The following KCNQ1 variants were observed in gnomAD, a reference collection of about 807,000 sequenced individuals.
KCNQ1 encodes potassium voltage-gated channel subfamily Q member 1, also known as potassium voltage-gated channel subfamily KQT member 1.
KCNQ1 carries 49 observed loss-of-function variants against 72.4 expected under a neutral mutation model. That is an observed-to-expected ratio of 0.68 (90% CI 0.54 to 0.86). The LOEUF (loss-of-function observed/expected upper bound fraction) is 0.86, where lower values mean the gene tolerates loss of function less well. Among genes scored for constraint, KCNQ1 ranks in the 40% least tolerant of loss-of-function variants. KCNQ1 has a pLI of 0.00. For missense variants in KCNQ1, 790 were observed against 945.1 expected (o/e 0.84, Z 2.15); for synonymous variants, 450 against 412.6 (o/e 1.09, Z -1.10).
rs10741690 is a variant in KCNQ1 at position 2,698,159 on chromosome 11, T to C, written c.1514+36078T>C. ...GCAGAAAACAAAACAGAGTTCCTCG[T>C]TGGGAGCTTTTGGTCTAGCAAAAGG... On this transcript the variant is annotated intron_variant, in intron 11 of 15. Transcript: ENST00000155840. The surrounding 1 kb of genome is among the most constrained non-coding windows in gnomAD (Gnocchi z 5.1). 0.55 allele frequency: 219,234 copies of C among 398,378 alleles called. 64,968 individuals carry two copies. The highest frequency in any genetic ancestry group is 0.99 in the East Asian group (27,889 of 28,070). 24.7% of individuals were successfully genotyped at this position (398,378 alleles called of 1,614,324 possible). A position where few individuals can be genotyped will look rare whatever the true frequency, so the allele number is the denominator to read the frequency against.
At chr11:2,489,212 G>T (rs536341225) in intron 1 of KCNQ1, among the ~76,000 whole-genome samples, 1 of 152,214 alleles carries the variant, frequency 6.6e-6, no homozygotes, top group African/African-American at 2.4e-5. Context: ...CAGCTATGTG[G>T]CATGGAGAGA....
At chr11:2,821,862 G>A (rs753435053) in intron 15 of KCNQ1, among the ~76,000 whole-genome samples, 1 of 152,214 alleles carries the variant, frequency 6.6e-6, no homozygotes, top group Non-Finnish European at 1.5e-5. Context: ...GTGTGTGTGA[G>A]CTCTGTAGTC....
intron 15 of KCNQ1, among the ~76,000 whole-genome samples, chr11:2,835,717 A>C (rs1240160833): frequency 6.6e-6 from 1 of 152,148 alleles, no homozygotes; most frequent in Non-Finnish European, 1.5e-5. Context: ...TAGAAAGGGT[A>C]CTGGGAGGGC....
chr11:2,662,292 C>A lies in KCNQ1; in HGVS notation c.1514+211C>A, dbSNP rs1378019806. ...CCACTGAGCCTGGGAACATGATCCT[C>A]TTGTTTTGACTTATGGAAAACCAGA... On this transcript the variant is annotated intron_variant, in intron 11 of 15. Coordinates refer to ENST00000155840, the MANE Select transcript of KCNQ1 (RefSeq NM_000218.3). The A allele has an allele frequency of 6.6e-6, 4 of 607,060 alleles. No homozygotes were observed. The East Asian group carries it at 1.1e-4, about 17-fold the overall frequency. 37.6% of individuals were successfully genotyped at this position (607,060 alleles called of 1,614,324 possible).
At chr11:2,553,849 G>A (rs1258200470) in intron 2 of KCNQ1, among the ~76,000 whole-genome samples, 2 of 152,022 alleles carry the variant, frequency 1.3e-5, no homozygotes, top group African/African-American at 2.4e-5. Flanking sequence ...CCGAGTAGCT[G>A]GGATTACAGG....
chr11:2,660,823 A>G (rs1849941093), intron 10 of KCNQ1: 1 of 398,592 alleles, frequency 2.5e-6, no homozygotes, highest in African/African-American at 2.1e-5. Flanking sequence ...ATTACTAAGG[A>G]CACACCCTCT....
In KCNQ1 at chr11:2,562,511, C is replaced by A. The variant is rs374848359; in HGVS notation, c.478-8117C>A. 5.3e-5 allele frequency among the ~76,000 whole-genome samples: 8 copies of A among 152,296 alleles called. No homozygotes were observed. The East Asian group carries it at 1.4e-3, about 26-fold the overall frequency. ...CTCTATGCTGTGGGGACCACTGCCCCCACAGGGAAGCGCCTGGCTCAGCAC... is the reference window on the plus strand; with the variant it reads ...CTCTATGCTGTGGGGACCACTGCCCACACAGGGAAGCGCCTGGCTCAGCAC... On this transcript the variant is annotated intron_variant, in intron 2 of 15. Coordinates refer to ENST00000155840, the MANE Select transcript of KCNQ1 (RefSeq NM_000218.3). This position sits in a 1 kb window ranked among gnomAD's most constrained non-coding sequence, Gnocchi z 7.5.
rs995161428 is a variant in KCNQ1 at position 2,464,740 on chromosome 11, G to T, written c.386+19256G>T. 6.6e-6 allele frequency among the ~76,000 whole-genome samples: 1 copy of T among 152,174 alleles called. No homozygotes were observed. The highest frequency in any genetic ancestry group is 2.4e-5 in the African/African-American group (1 of 41,438). On this transcript the variant is annotated intron_variant, in intron 1 of 15. Coordinates refer to ENST00000155840, the MANE Select transcript of KCNQ1 (RefSeq NM_000218.3). This position sits in a 1 kb window ranked among gnomAD's most constrained non-coding sequence, Gnocchi z 5.0. The stretch of plus-strand genomic sequence containing the variant: ...GGATGCTGGTGGGAAGAACAGTCTG[G>T]GCGAGGAGGAAAGGGTGGCTCTGCT...
chr11:2,485,057 C>A (rs545778959), intron 1 of KCNQ1, among the ~76,000 whole-genome samples: 1 of 152,154 alleles, frequency 6.6e-6, no homozygotes, highest in Admixed American at 6.5e-5. Context: ...GTGCACGGCG[C>A]GTCTTGTCTT....
chr11:2,717,719 AGATG>A (rs1851116810), intron 11 of KCNQ1, among the ~76,000 whole-genome samples: 1 of 152,232 alleles, frequency 6.6e-6, no homozygotes, highest in South Asian at 2.1e-4. Flanking sequence ...ACGGAAAGAC[AGATG>A]GCAGGAGGTG....
At chr11:2,737,433 G>A (rs1048310611) in intron 11 of KCNQ1, among the ~76,000 whole-genome samples, 4 of 152,178 alleles carry the variant, frequency 2.6e-5, no homozygotes, top group Non-Finnish European at 5.9e-5. Context: ...CTGGATGCCC[G>A]CGAGCTGCAA....
chr11:2,698,394 C>T lies in KCNQ1; in HGVS notation c.1514+36313C>T. ...CCTGCTCAGGGACCACAGTGGGGTA[C>T]TGGGATCTGAACATAGTGGTGGCCC... On this transcript the variant is annotated intron_variant, in intron 11 of 15. Coordinates refer to ENST00000155840, the MANE Select transcript of KCNQ1 (RefSeq NM_000218.3). The surrounding 1 kb of genome is among the most constrained non-coding windows in gnomAD (Gnocchi z 5.1). 1 of 398,436 alleles carries T rather than the reference C, an allele frequency of 2.5e-6. No homozygotes were observed. Among genetic ancestry groups the T allele is most frequent in the East Asian group, 3.6e-5 (1 of 28,052 alleles). 24.7% of individuals were successfully genotyped at this position (398,436 alleles called of 1,614,324 possible).
At position 2,509,460 on chromosome 11, in the gene KCNQ1, G is replaced by GT. The variant is rs1282505681; in HGVS notation, c.387-18467dup. On this transcript the variant is annotated intron_variant, in intron 1 of 15. Coordinates refer to ENST00000155840, the MANE Select transcript of KCNQ1 (RefSeq NM_000218.3). This position sits in a 1 kb window ranked among gnomAD's most constrained non-coding sequence, Gnocchi z 6.3. ...AGGCTGGGTCTGTGCTGTGTGGGGG[G>GT]TGTTTGGTGTCCTAGGAGGAGTCTC... Among the ~76,000 whole-genome samples, 5 of 152,128 alleles carry GT rather than the reference G, an allele frequency of 3.3e-5. No homozygotes were observed. The highest frequency in any genetic ancestry group is 1.2e-4 in the African/African-American group (5 of 41,436).
At position 2,611,167 on chromosome 11, in the gene KCNQ1, A is replaced by G. The variant is rs1848974521; in HGVS notation, c.1393+22313A>G. ...CTTTTGTCATTGTAAAATGCTTCTC[A>G]GTATCTCTAATAACATGGTTTGTTT... On this transcript the variant is annotated intron_variant, in intron 10 of 15. Coordinates refer to ENST00000155840, the MANE Select transcript of KCNQ1 (RefSeq NM_000218.3). The surrounding 1 kb of genome is among the most constrained non-coding windows in gnomAD (Gnocchi z 5.3). 2 of 398,210 alleles carry G rather than the reference A, an allele frequency of 5.0e-6. No individual in the cohort carries two copies. The highest frequency in any genetic ancestry group is 4.1e-5 in the African/African-American group (2 of 48,536). 24.7% of individuals were successfully genotyped at this position (398,210 alleles called of 1,614,324 possible).
rs535306982 is a variant in KCNQ1, at chr11:2,539,725, G to A, written c.477+11707G>A. ...AAAGTCAGACCTTGGTGGGGGGTGC[G>A]CCTGCTGCAGGGGCCCCCAGGCTTC... On this transcript the variant is annotated intron_variant, in intron 2 of 15. Transcript: ENST00000155840. 8.5e-5 allele frequency among the ~76,000 whole-genome samples: 13 copies of A among 152,334 alleles called. No individual in the cohort carries two copies. In the East Asian group the frequency reaches 1.7e-3, roughly 20 times the overall value.
Position 2,507,501 on chromosome 11 carries a change from A to C in KCNQ1, c.387-20427A>C, listed in dbSNP as rs747440626. On this transcript the variant is annotated intron_variant, in intron 1 of 15. Coordinates refer to ENST00000155840, the MANE Select transcript of KCNQ1 (RefSeq NM_000218.3). This position sits in a 1 kb window ranked among gnomAD's most constrained non-coding sequence, Gnocchi z 5.4. Reference sequence around the variant, plus strand: ...TGCAGGTAGATAAGGTGGCGGGTGCAGCGGGAGGAAGAGAAAAGGATGCTG... The same window carrying C: ...TGCAGGTAGATAAGGTGGCGGGTGCCGCGGGAGGAAGAGAAAAGGATGCTG... Among the ~76,000 whole-genome samples the C allele has an allele frequency of 6.6e-6, 1 of 152,184 alleles. No individual in the cohort carries two copies. The highest frequency in any genetic ancestry group is 1.5e-5 in the Non-Finnish European group (1 of 68,032).
At chr11:2,697,652 C>T in intron 11 of KCNQ1, 1 of 398,514 alleles carries the variant, frequency 2.5e-6, no homozygotes, top group Non-Finnish European at 4.4e-6. Context: ...CTCCTGTAGC[C>T]TCTTAATGTG....
intron 4 of KCNQ1, among the ~76,000 whole-genome samples, chr11:2,571,786 C>T (rs1000530729): frequency 1.3e-5 from 2 of 152,176 alleles, no homozygotes; most frequent in African/African-American, 4.8e-5. Flanking sequence ...GGCCGACCCC[C>T]AGCTCAGCCC....
rs1238443414 is a variant in KCNQ1, at chr11:2,626,620, C to T, written c.1394-35341C>T. The stretch of plus-strand genomic sequence containing the variant: ...CACTGCTTACTGCCACCTCAATCTC[C>T]CAGGCTCAAGCAATCCTCCCACCTC... On this transcript the variant is annotated intron_variant, in intron 10 of 15. Transcript: ENST00000155840. This position sits in a 1 kb window ranked among gnomAD's most constrained non-coding sequence, Gnocchi z 4.0. 9 of 398,508 alleles carry T rather than the reference C, an allele frequency of 2.3e-5. No individual in the cohort carries two copies. Among genetic ancestry groups the T allele is most frequent in the African/African-American group, 4.1e-5 (2 of 48,620 alleles). 24.7% of individuals were successfully genotyped at this position (398,508 alleles called of 1,614,324 possible). A position where few individuals can be genotyped will look rare whatever the true frequency, so the allele number is the denominator to read the frequency against.
Sources: gnomAD v4.1 joint callset for allele counts (sites outside exome capture counted in the v4.1 genomes callset) on GRCh38, gnomAD v4.1.1 for gene constraint, Gnocchi (gnomAD v3.1) non-coding constraint, MANE v1.5 for transcripts, NCBI Gene and HGNC (gene_info 2026-07-23, HGNC 2026-07-21) for gene names.